The following GREB1L variants were observed in gnomAD, a reference collection of about 807,000 sequenced individuals.
GREB1L encodes GREB1-like protein.
GREB1L carries 17 observed loss-of-function variants against 200.8 expected under a neutral mutation model. The observed-to-expected ratio is 0.08, with a 90% CI of 0.06 to 0.13. The LOEUF is 0.13. Among genes scored for constraint, GREB1L ranks in the 10% least tolerant of loss-of-function variants. The probability of loss-of-function intolerance (pLI) is 1.00; values close to 1 mark genes in which losing one functional copy is unlikely to be tolerated. For synonymous variants in GREB1L, 789 were observed against 893.0 expected, an observed-to-expected ratio of 0.88 and a Z score of 2.08; for missense variants, 1,657 against 2,367.7, an observed-to-expected ratio of 0.70 and a Z score of 6.23.
chr18:21,335,590 C>A (rs2039172311), intron 1 of GREB1L, among the ~76,000 whole-genome samples: 1 of 152,022 alleles, frequency 6.6e-6, no homozygotes, highest in Non-Finnish European at 1.5e-5. Context: ...TTGAGAGTTT[C>A]TCAGCTGTTG....
intron 3 of GREB1L, 54 bp from the exon 4 acceptor site, chr18:21,384,151 AT>A: frequency 8.2e-7 from 1 of 1,218,310 alleles, no homozygotes; most frequent in Non-Finnish European, 1.2e-6. Context: ...AGAACTGTGC[AT>A]TTTTCCATAA....
chr18:21,427,926 C>A (rs1026779150), intron 7 of GREB1L, among the ~76,000 whole-genome samples: 2 of 151,094 alleles, frequency 1.3e-5, no homozygotes, highest in Non-Finnish European at 3.0e-5. Context: ...CGCGGTGGCT[C>A]ACGCCTGTAA....
At position 21,500,002 on chromosome 18, in the gene GREB1L, GGGGCCCACA is replaced by G. The variant is rs776466931; in HGVS notation, c.3668_3676del (p.Gly1223_Gln1225del). The G allele has an allele frequency of 5.2e-6, 8 of 1,551,466 alleles. No individual in the cohort carries two copies. The South Asian group carries it at 9.5e-5, about 18-fold the overall frequency. ...CCGGGACAGCCCATCAGAGGCTGCC[GGGGCCCACA>G]GGCAGCCCTGCCACCAGTGGTGATC... is the stretch of plus-strand genomic sequence containing the variant. On this transcript the variant is annotated inframe_deletion, in exon 22 of 33. Coordinates refer to ENST00000424526, the MANE Select transcript of GREB1L (RefSeq NM_001142966.3).
chr18:21,363,273 T>TCCCCCCCCCCCCCCCC (rs2039606295), intron 1 of GREB1L, among the ~76,000 whole-genome samples: 1 of 4,764 alleles, frequency 2.1e-4, no homozygotes, highest in Admixed American at 2.1e-3. Context: ...CTGCCCCCAC[T>TCCCCCCCCCCCCCCCC]CCGCCTCCCC....
chr18:21,252,428 A>G (rs189685268), intron 1 of GREB1L, among the ~76,000 whole-genome samples: 241 of 152,078 alleles, frequency 1.6e-3, no homozygotes, highest in Non-Finnish European at 3.1e-3. Context: ...ATGGTGGCGC[A>G]TGCCTGTAAT....
intron 1 of GREB1L, among the ~76,000 whole-genome samples, chr18:21,277,961 T>C (rs2038196517): frequency 6.6e-6 from 1 of 152,174 alleles, no homozygotes; most frequent in South Asian, 2.1e-4. Flanking sequence ...ATGTTCTCCT[T>C]ACTCTAGGGC....
At chr18:21,478,260 A>G (rs910411685) in intron 17 of GREB1L, among the ~76,000 whole-genome samples, 1 of 152,254 alleles carries the variant, frequency 6.6e-6, no homozygotes, top group African/African-American at 2.4e-5. Context: ...AACATTGGAT[A>G]TATCCAGGGA....
intron 17 of GREB1L, 165 bp from the exon 18 acceptor site, chr18:21,485,455 A>C (rs1414597991): frequency 7.9e-6 from 4 of 506,884 alleles, no homozygotes; most frequent in African/African-American, 7.8e-5. Flanking sequence ...AGTGCCTCAG[A>C]GATGACTGCA....
intron 30 of GREB1L, 44 bp downstream of exon 30, chr18:21,516,798 T>A: frequency 1.3e-6 from 2 of 1,503,594 alleles, no homozygotes; most frequent in Non-Finnish European, 1.8e-6. Context: ...ATAAGCACAA[T>A]GATAATGACT....
At chr18:21,333,804 A>C (rs569290892) in intron 1 of GREB1L, among the ~76,000 whole-genome samples, 67 of 152,104 alleles carry the variant, frequency 4.4e-4, no homozygotes, top group African/African-American at 1.6e-3. Flanking sequence ...CCACACAGCA[A>C]GACCCCATCT....
Position 21,323,761 on chromosome 18 carries a change from A to T in GREB1L, c.-119-42266A>T, listed in dbSNP as rs1416376019. On this transcript the variant is annotated intron_variant, in intron 1 of 32. Transcript: ENST00000424526. ...CCCCATCTCTAAAAATTTTTTTTTT[A>T]AATCAAAGTTCTGAAAGTTAGGATA... Among the ~76,000 whole-genome samples, 6 of 152,250 alleles carry T rather than the reference A, an allele frequency of 3.9e-5. No homozygotes were observed. The South Asian group carries it at 8.3e-4, about 21-fold the overall frequency.
chr18:21,502,234 G>C (rs2036826251), intron 23 of GREB1L, among the ~76,000 whole-genome samples: 1 of 150,836 alleles, frequency 6.6e-6, no homozygotes, highest in Non-Finnish European at 1.5e-5. Flanking sequence ...CTGGACGACA[G>C]AGCGAGACTC....
chr18:21,414,687 G>C (rs931775777), intron 7 of GREB1L, among the ~76,000 whole-genome samples: 2 of 152,230 alleles, frequency 1.3e-5, no homozygotes. Flanking sequence ...TCTGTAAAAT[G>C]CTCACGTATG....
At chr18:21,370,047 T>A (rs1265760645) in intron 2 of GREB1L, among the ~76,000 whole-genome samples, 3 of 152,216 alleles carry the variant, frequency 2.0e-5, no homozygotes, top group Admixed American at 1.3e-4. Context: ...TTTTTGTCTT[T>A]TAATCTGTTT....
chr18:21,508,904 T>A (rs2037128131), intron 27 of GREB1L, among the ~76,000 whole-genome samples: 1 of 152,088 alleles, frequency 6.6e-6, no homozygotes, highest in African/African-American at 2.4e-5. Flanking sequence ...AGCTGAGCAC[T>A]CTGGGGAAGG....
intron 7 of GREB1L, among the ~76,000 whole-genome samples, chr18:21,432,433 A>G (rs573172185): frequency 6.9e-4 from 104 of 151,676 alleles, no homozygotes; most frequent in Non-Finnish European, 1.3e-3. Context: ...TATTATCTTT[A>G]TATTTTCAGA....
Position 21,475,369 on chromosome 18 carries a change from A to G in GREB1L, c.2364-1795A>G, listed in dbSNP as rs548396002. On this transcript the variant is annotated intron_variant, in intron 16 of 32. Transcript: ENST00000424526. Reference sequence around the variant, plus strand: ...ATCATATTTACTGGATGAACTTATTATTATTTTTGAGATAGAGTCTCACTC... The same window carrying G: ...ATCATATTTACTGGATGAACTTATTGTTATTTTTGAGATAGAGTCTCACTC... Among the ~76,000 whole-genome samples, 4 of 152,052 alleles carry G rather than the reference A, an allele frequency of 2.6e-5. No homozygotes were observed. The South Asian group carries it at 8.3e-4, about 32-fold the overall frequency.
intron 2 of GREB1L, 47 bp from the exon 3 acceptor site, chr18:21,383,463 T>C: frequency 7.3e-7 from 1 of 1,374,918 alleles, no homozygotes; most frequent in East Asian, 2.6e-5. Context: ...ATAGAACCTC[T>C]AATTATATCA....
At chr18:21,376,999 T>C (rs1437926554) in intron 2 of GREB1L, among the ~76,000 whole-genome samples, 1 of 152,156 alleles carries the variant, frequency 6.6e-6, no homozygotes, top group Non-Finnish European at 1.5e-5. Flanking sequence ...ACCTCTGAGA[T>C]ATTAACAAGC....
Sources: allele counts gnomAD v4.1 joint callset (sites outside exome capture counted in the v4.1 genomes callset), GRCh38; gene constraint gnomAD v4.1.1; transcripts MANE v1.5; gene names NCBI Gene and HGNC (gene_info 2026-07-23, HGNC 2026-07-21).